ANKS1B: variants seen among roughly 807,000 people sequenced by gnomAD.
ANKS1B encodes ankyrin repeat and sterile alpha motif domain containing 1B.
Under a neutral mutation model 148.3 loss-of-function variants are expected in ANKS1B, and 36 were observed. The ratio of observed to expected loss-of-function variants is 0.24; its 90% CI spans 0.19 to 0.32. ANKS1B has a LOEUF of 0.32. ANKS1B is among the 10% of genes least tolerant of loss of function. The pLI is 1.00. For missense variants in ANKS1B, 1,157 were observed against 1,542.6 expected (o/e 0.75, Z 4.19); for synonymous variants, 542 against 560.8 (o/e 0.97, Z 0.47).
chr12:99,247,151 C>T (rs1188301598), intron 12 of ANKS1B, among the ~76,000 whole-genome samples: 1 of 152,084 alleles, frequency 6.6e-6, no homozygotes, highest in Non-Finnish European at 1.5e-5. Context: ...TCACTTCTCC[C>T]TTGAACCCAG....
chr12:99,122,150 C>T (rs574373358), intron 15 of ANKS1B, among the ~76,000 whole-genome samples: 9 of 151,880 alleles, frequency 5.9e-5, no homozygotes, highest in East Asian at 1.9e-4. Context: ...GGATAATGAT[C>T]GATTTTGTGA....
chr12:98,918,565 A>T (rs1158596321), intron 17 of ANKS1B, among the ~76,000 whole-genome samples: 1 of 152,168 alleles, frequency 6.6e-6, no homozygotes, highest in East Asian at 1.9e-4. Flanking sequence ...GCACATCAGT[A>T]TTTGTAGCAT....
intron 14 of ANKS1B, among the ~76,000 whole-genome samples, chr12:99,203,543 C>T (rs2712664): frequency 0.55 from 83,049 of 151,406 alleles, 23,838 homozygotes; most frequent in Non-Finnish European, 0.63. Context: ...CTCCGCCCTC[C>T]GGGTGCACGC....
chr12:99,209,594 CAG>C (rs751141640), intron 14 of ANKS1B, among the ~76,000 whole-genome samples: 2 of 152,120 alleles, frequency 1.3e-5, no homozygotes, highest in Non-Finnish European at 2.9e-5. Context: ...GTGGGCCATA[CAG>C]AGAGTTCACC....
At chr12:98,835,762 T>C (rs1248743436) in intron 17 of ANKS1B, among the ~76,000 whole-genome samples, 2 of 152,092 alleles carry the variant, frequency 1.3e-5, no homozygotes, top group African/African-American at 2.4e-5. Context: ...GATAGACAGA[T>C]AGACAGGAAA....
intron 9 of ANKS1B, among the ~76,000 whole-genome samples, chr12:99,625,513 A>G (rs1041936432): frequency 3.3e-5 from 5 of 152,162 alleles, no homozygotes; most frequent in African/African-American, 1.2e-4. Context: ...CATCCTTCTT[A>G]CTTAAAACAG....
intron 25 of ANKS1B, among the ~76,000 whole-genome samples, chr12:98,768,522 C>T (rs868451013): frequency 2.7e-5 from 4 of 147,832 alleles, no homozygotes; most frequent in Non-Finnish European, 4.5e-5. Context: ...ATCACAAGGT[C>T]GGGAGATCGG....
At chr12:99,508,736 T>A (rs886480352) in intron 9 of ANKS1B, among the ~76,000 whole-genome samples, 1 of 151,888 alleles carries the variant, frequency 6.6e-6, no homozygotes, top group African/African-American at 2.4e-5. Context: ...TCAACTATTT[T>A]GAAATAGAAT....
At chr12:99,715,136 A>T (rs2057137794) in intron 8 of ANKS1B, among the ~76,000 whole-genome samples, 1 of 143,578 alleles carries the variant, frequency 7.0e-6, no homozygotes, top group East Asian at 1.9e-4. Flanking sequence ...CTAAAAATAA[A>T]AAATAATAAA....
chr12:99,029,545 A>C (rs1308316164), intron 17 of ANKS1B, among the ~76,000 whole-genome samples: 1 of 152,240 alleles, frequency 6.6e-6, no homozygotes, highest in African/African-American at 2.4e-5. Context: ...TCTACAGTGA[A>C]GTACTTGTCA....
chr12:98,764,468 TC>T (rs1228511345), intron 25 of ANKS1B, among the ~76,000 whole-genome samples: 3 of 152,240 alleles, frequency 2.0e-5, no homozygotes, highest in South Asian at 4.2e-4. Context: ...CCTCAAGTGA[TC>T]CGCCCGCCTC....
chr12:99,631,258 A>T (rs1415294530), intron 9 of ANKS1B, among the ~76,000 whole-genome samples: 1 of 152,196 alleles, frequency 6.6e-6, no homozygotes, highest in African/African-American at 2.4e-5. Context: ...TTCTTTATAA[A>T]TTCCCCAGTT....
chr12:99,341,609 T>C (rs2089933434), intron 12 of ANKS1B, among the ~76,000 whole-genome samples: 1 of 152,130 alleles, frequency 6.6e-6, no homozygotes, highest in Non-Finnish European at 1.5e-5. Context: ...CAAGGAAATC[T>C]AGAAATAAAG....
intron 12 of ANKS1B, among the ~76,000 whole-genome samples, chr12:99,393,309 G>C (rs1229822885): frequency 6.6e-6 from 1 of 152,202 alleles, no homozygotes; most frequent in Non-Finnish European, 1.5e-5. Context: ...ATGAGAATGA[G>C]ACACATAGTG....
chr12:98,849,030 C>T (rs1435185677), intron 17 of ANKS1B, among the ~76,000 whole-genome samples: 2 of 151,958 alleles, frequency 1.3e-5, no homozygotes, highest in East Asian at 1.9e-4. Context: ...TGAGCCACTG[C>T]GCCTGGCCTG....
intron 12 of ANKS1B, among the ~76,000 whole-genome samples, chr12:99,328,319 G>A (rs916934799): frequency 2.6e-5 from 4 of 151,874 alleles, no homozygotes; most frequent in Non-Finnish European, 5.9e-5. Context: ...AGTATCTAAC[G>A]GGGTGAGCAA....
chr12:99,200,858 A>G (rs762383801), intron 14 of ANKS1B, among the ~76,000 whole-genome samples: 1 of 152,214 alleles, frequency 6.6e-6, no homozygotes, highest in African/African-American at 2.4e-5. Context: ...TCTTGACTGT[A>G]TGAAGGAGCC....
chr12:99,467,497 T>C (rs2096144106), intron 10 of ANKS1B, among the ~76,000 whole-genome samples: 1 of 152,190 alleles, frequency 6.6e-6, no homozygotes, highest in Non-Finnish European at 1.5e-5. Flanking sequence ...GGAAGTCAAA[T>C]TGTCCCTGTT....
At chr12:98,980,875 A>C (rs949083585) in intron 17 of ANKS1B, among the ~76,000 whole-genome samples, 2 of 152,100 alleles carry the variant, frequency 1.3e-5, no homozygotes, top group African/African-American at 4.8e-5. Flanking sequence ...ATGGACCATA[A>C]ATTGCCTCCT....
Sources: gnomAD v4.1 joint callset for allele counts (sites outside exome capture counted in the v4.1 genomes callset) on GRCh38, gnomAD v4.1.1 for gene constraint, MANE v1.5 for transcripts, NCBI Gene and HGNC (gene_info 2026-07-23, HGNC 2026-07-21) for gene names.